The following NCK1 variants were observed in gnomAD, a reference collection of about 807,000 sequenced individuals.
NCK1 encodes SH2/SH3 adapter protein NCK1.
A neutral mutation model predicts 36.6 loss-of-function variants in NCK1; 19 were observed. The ratio of observed to expected loss-of-function variants is 0.52; its 90% confidence interval spans 0.36 to 0.76. NCK1 has a LOEUF of 0.76. Ranked by LOEUF, NCK1 falls within the 30% of genes least tolerant of loss-of-function variation. The pLI is 0.00. For synonymous variants in NCK1, 165 were observed against 156.0 expected (o/e 1.06, Z -0.43); for missense variants, 358 against 445.6 (o/e 0.80, Z 1.77).
intron 1 of NCK1, among the ~76,000 whole-genome samples, chr3:136,906,118 G>A (rs1204319346): frequency 6.6e-6 from 1 of 152,066 alleles, no homozygotes; most frequent in Non-Finnish European, 1.5e-5. Context: ...TTGTGGTGTT[G>A]GTTGAATATG....
At chr3:136,912,506 T>A (rs978237509) in intron 1 of NCK1, among the ~76,000 whole-genome samples, 2 of 144,348 alleles carry the variant, frequency 1.4e-5, no homozygotes, top group East Asian at 2.0e-4. Flanking sequence ...TTTTTTTTTT[T>A]ATGTTGCCCT....
intron 1 of NCK1, among the ~76,000 whole-genome samples, chr3:136,918,651 C>T (rs756910902): frequency 1.1e-4 from 16 of 152,180 alleles, no homozygotes; most frequent in Admixed American, 3.9e-4. Flanking sequence ...AATTCACAAA[C>T]GTTCTTAAAA....
intron 1 of NCK1, among the ~76,000 whole-genome samples, chr3:136,912,878 G>A (rs1939865170): frequency 6.9e-6 from 1 of 145,224 alleles, no homozygotes; most frequent in African/African-American, 2.5e-5. Flanking sequence ...TCTTGGTCTT[G>A]ATATCCTGGA....
chr3:136,928,364 TG>T, intron 2 of NCK1, 137 bp downstream of exon 2: 1 of 767,740 alleles, frequency 1.3e-6, no homozygotes, highest in South Asian at 1.9e-5. Flanking sequence ...TCATAGCAGG[TG>T]GTCAACCCAG....
At chr3:136,943,049 T>C (rs1940717023) in intron 2 of NCK1, among the ~76,000 whole-genome samples, 1 of 152,160 alleles carries the variant, frequency 6.6e-6, no homozygotes, top group Non-Finnish European at 1.5e-5. Context: ...GTGTGGGGGA[T>C]GGTGGGCAGG....
intron 1 of NCK1, among the ~76,000 whole-genome samples, chr3:136,921,433 A>C (rs1469129767): frequency 6.6e-6 from 1 of 152,128 alleles, no homozygotes; most frequent in African/African-American, 2.4e-5. Flanking sequence ...CATTTTCTAA[A>C]CTTTTGCTGT....
chr3:136,907,832 T>C (rs1939725551), intron 1 of NCK1, among the ~76,000 whole-genome samples: 1 of 152,216 alleles, frequency 6.6e-6, no homozygotes, highest in Non-Finnish European at 1.5e-5. Context: ...AGTGAGAACA[T>C]AGAATCTTAC....
At chr3:136,890,208 G>A (rs1939200740) in intron 1 of NCK1, among the ~76,000 whole-genome samples, 2 of 152,180 alleles carry the variant, frequency 1.3e-5, no homozygotes, top group Admixed American at 6.5e-5. Context: ...ATTGCTGGGG[G>A]ACCCAGTACA....
rs377234848 is a variant in NCK1, at chr3:136,887,476, G to C, written c.-19+25123G>C. Among the ~76,000 whole-genome samples the C allele has an allele frequency of 2.0e-5, 3 of 152,276 alleles. No individual in the cohort carries two copies. In the South Asian group the frequency reaches 6.2e-4, roughly 32 times the overall value. On this transcript the variant is annotated intron_variant, in intron 1 of 3. Transcript: ENST00000481752. ...GAGGAAAGAAGTGTTTAAAAATGAA[G>C]GCGAGAAGGAGAAAAAGAAGTTGAG...
intron 1 of NCK1, among the ~76,000 whole-genome samples, chr3:136,888,137 G>T (rs1271119537): frequency 6.6e-6 from 1 of 151,902 alleles, no homozygotes; most frequent in Non-Finnish European, 1.5e-5. Context: ...TAGAGACAGG[G>T]TTTCGCCATG....
rs542639616 is a variant in NCK1 at position 136,946,349 on chromosome 3, AAG to A, written c.939+64_939+65del. ...ATAGAGCTCTGGGTATTTTAAAAAA[AAG>A]AGAGAGAGAAATGGAGAGGTTAAGT... On this transcript the variant is annotated intron_variant, in intron 3 of 3. Transcript: ENST00000481752. 51 of 1,461,994 alleles carry A rather than the reference AAG, an allele frequency of 3.5e-5. No homozygotes were observed. In the Middle Eastern group the frequency reaches 5.4e-4, roughly 15 times the overall value. The allele number at this position is 1,461,994 out of a possible 1,614,324, so 90.6% of individuals were successfully genotyped here.
rs1940896322 is a variant in NCK1, at chr3:136,948,855, C to G, written c.*402C>G. On this transcript the variant is annotated 3_prime_UTR_variant, in exon 4 of 4. Coordinates refer to ENST00000481752, the MANE Select transcript of NCK1 (RefSeq NM_001291999.2). ...TTTTCATTATATAAAATTATTATAT[C>G]TATATATGACATATGCTAAAATTTC... The G allele has an allele frequency of 6.6e-6, 1 of 152,540 alleles. No homozygotes were observed. Among genetic ancestry groups the G allele is most frequent in the African/African-American group, 2.4e-5 (1 of 41,388 alleles). 9.4% of individuals were successfully genotyped at this position (152,540 alleles called of 1,614,324 possible).
At chr3:136,895,919 A>G (rs552732437) in intron 1 of NCK1, among the ~76,000 whole-genome samples, 2 of 152,198 alleles carry the variant, frequency 1.3e-5, no homozygotes, top group South Asian at 4.1e-4. Context: ...ATTCACATCT[A>G]TTTTAATTAT....
At chr3:136,915,585 C>T (rs980000092) in intron 1 of NCK1, among the ~76,000 whole-genome samples, 1 of 152,036 alleles carries the variant, frequency 6.6e-6, no homozygotes, top group East Asian at 1.9e-4. Context: ...TCTGCTCTCA[C>T]GTTGCTATAA....
chr3:136,908,651 G>T (rs1939748390), intron 1 of NCK1, among the ~76,000 whole-genome samples: 1 of 152,150 alleles, frequency 6.6e-6, no homozygotes, highest in African/African-American at 2.4e-5. Flanking sequence ...CTGCCAATGT[G>T]GTGACATCTA....
intron 1 of NCK1, among the ~76,000 whole-genome samples, chr3:136,926,661 A>G (rs1164762168): frequency 6.6e-6 from 1 of 152,210 alleles, no homozygotes; most frequent in Non-Finnish European, 1.5e-5. Flanking sequence ...AGTTCGATGT[A>G]TAGTTTTTAA....
chr3:136,876,937 A>G (rs1938792322), intron 1 of NCK1, among the ~76,000 whole-genome samples: 1 of 152,174 alleles, frequency 6.6e-6, no homozygotes, highest in African/African-American at 2.4e-5. Context: ...TGCTATTTAG[A>G]AAAGACATTC....
intron 1 of NCK1, chr3:136,899,926 A>G (rs1376686574): frequency 2.7e-5 from 24 of 887,612 alleles, no homozygotes; most frequent in Non-Finnish European, 4.3e-5. Context: ...AGATTGTTCA[A>G]ATTAGGTTTT....
Position 136,951,199 on chromosome 3 carries a change from T to A in NCK1, c.*2746T>A, listed in dbSNP as rs1940962858. On this transcript the variant is annotated 3_prime_UTR_variant, in exon 4 of 4. Transcript: ENST00000481752. ...TCTCCAGCTGTAATGTCCTACCATA[T>A]AATCCAGAGGTTGCATAGAAGCAGA... Among the ~76,000 whole-genome samples the A allele has an allele frequency of 6.6e-6, 1 of 152,176 alleles. No homozygotes were observed. Among genetic ancestry groups the A allele is most frequent in the Admixed American group, 6.6e-5 (1 of 15,266 alleles).
Sources: allele counts gnomAD v4.1 joint callset (sites outside exome capture counted in the v4.1 genomes callset), GRCh38; gene constraint gnomAD v4.1.1; transcripts MANE v1.5; gene names NCBI Gene and HGNC (gene_info 2026-07-23, HGNC 2026-07-21).